PLCB1: variants seen among roughly 807,000 people sequenced by gnomAD.
PLCB1 encodes phospholipase C beta 1, also known as 1-phosphatidylinositol 4,5-bisphosphate phosphodiesterase beta-1.
In PLCB1, 46 loss-of-function variants were observed where a neutral mutation model predicts 161.8. That is an observed-to-expected ratio of 0.28 (90% CI 0.22 to 0.36). PLCB1 has a LOEUF of 0.36. Ranked by LOEUF, PLCB1 falls within the 10% of genes least tolerant of loss-of-function variation. The probability of loss-of-function intolerance (pLI) is 1.00; values close to 1 mark genes in which losing one functional copy is unlikely to be tolerated. For synonymous variants in PLCB1, 517 were observed against 503.7 expected, an observed-to-expected ratio of 1.03 and a Z score of -0.35; for missense variants, 1,016 against 1,472.5, an observed-to-expected ratio of 0.69 and a Z score of 5.07.
chr20:8,465,788 C>T (rs1232729), intron 3 of PLCB1, among the ~76,000 whole-genome samples: 5 of 151,280 alleles, frequency 3.3e-5, no homozygotes, highest in South Asian at 4.2e-4. Context: ...CATCTCACAC[C>T]AGTTAGAATG....
intron 3 of PLCB1, among the ~76,000 whole-genome samples, chr20:8,487,296 C>A (rs374344004): frequency 6.6e-6 from 1 of 152,136 alleles, no homozygotes; most frequent in Non-Finnish European, 1.5e-5. Context: ...CTAGAATTTG[C>A]AAAATAGTGA....
chr20:8,516,866 T>C (rs958811482), intron 3 of PLCB1, among the ~76,000 whole-genome samples: 7 of 151,920 alleles, frequency 4.6e-5, no homozygotes, highest in Admixed American at 4.6e-4. Flanking sequence ...TATGTGCCCT[T>C]TGTTACGGCT....
At chr20:8,510,637 C>T (rs886370014) in intron 3 of PLCB1, among the ~76,000 whole-genome samples, 32 of 152,026 alleles carry the variant, frequency 2.1e-4, no homozygotes, top group African/African-American at 6.8e-4. Flanking sequence ...GTGATCCGCC[C>T]GCCTCGGCCT....
intron 2 of PLCB1, among the ~76,000 whole-genome samples, chr20:8,369,062 T>C (rs1986818024): frequency 6.6e-6 from 1 of 152,184 alleles, no homozygotes; most frequent in Non-Finnish European, 1.5e-5. Context: ...AGTTTCTCAG[T>C]ACTAGTGTAT....
At position 8,737,045 on chromosome 20, in the gene PLCB1, T is replaced by C. The variant is rs1568578732; in HGVS notation, c.2061T>C (p.Phe687=). Residue 687 remains phenylalanine, a synonymous_variant, in exon 20 of 32, where the codon TTT becomes TTC. Coordinates refer to ENST00000338037, the MANE Select transcript of PLCB1 (RefSeq NM_015192.4). ...TTTTCTAGATTATTTCAGGTCAGTT[T>C]CTTTCTGATAAGAAAGTTGGGACTT... is the stretch of plus-strand genomic sequence containing the variant. ...TLSVKIISGQ[F]LSDKKVGTYV... 1 of 1,612,516 alleles carries C rather than the reference T, an allele frequency of 6.2e-7. No individual in the cohort carries two copies. Among genetic ancestry groups the C allele is most frequent in the Non-Finnish European group, 8.5e-7 (1 of 1,178,672 alleles).
chr20:8,355,807 C>G (rs1986346407), intron 2 of PLCB1, among the ~76,000 whole-genome samples: 1 of 152,092 alleles, frequency 6.6e-6, no homozygotes, highest in South Asian at 2.1e-4. Context: ...GCACTTAACC[C>G]TCAGCTTTTT....
chr20:8,773,461 A>T (rs1982793288), intron 26 of PLCB1, among the ~76,000 whole-genome samples: 1 of 152,236 alleles, frequency 6.6e-6, no homozygotes, highest in African/African-American at 2.4e-5. Flanking sequence ...TTATTTTGAC[A>T]TTCACCCTAA....
chr20:8,317,359 G>A (rs571492431), intron 2 of PLCB1, among the ~76,000 whole-genome samples: 2 of 152,128 alleles, frequency 1.3e-5, no homozygotes, highest in East Asian at 1.9e-4. Context: ...TCCCGTTTGG[G>A]TCATTATTTA....
intron 3 of PLCB1, among the ~76,000 whole-genome samples, chr20:8,439,703 AT>A (rs1170666337): frequency 1.3e-5 from 2 of 152,052 alleles, no homozygotes; most frequent in African/African-American, 2.4e-5. Flanking sequence ...TCATTACTAT[AT>A]TTTCTACATT....
intron 11 of PLCB1, 146 bp downstream of exon 11, chr20:8,697,929 G>C: frequency 1.5e-6 from 1 of 653,692 alleles, no homozygotes. Flanking sequence ...CTAAAATTTG[G>C]CTGTTTATTC....
At chr20:8,676,308 G>T (rs531866272) in intron 9 of PLCB1, among the ~76,000 whole-genome samples, 1 of 151,936 alleles carries the variant, frequency 6.6e-6, no homozygotes, top group African/African-American at 2.4e-5. Flanking sequence ...TTGCAGTGAG[G>T]CAAGATAACA....
intron 3 of PLCB1, among the ~76,000 whole-genome samples, chr20:8,522,630 AC>A (rs551010968): frequency 5.2e-4 from 79 of 152,346 alleles, no homozygotes; most frequent in Middle Eastern, 3.4e-3. Flanking sequence ...AATAAAGCAG[AC>A]ACTACCATTT....
At chr20:8,516,143 C>G (rs937550797) in intron 3 of PLCB1, among the ~76,000 whole-genome samples, 1 of 152,156 alleles carries the variant, frequency 6.6e-6, no homozygotes, top group Non-Finnish European at 1.5e-5. Flanking sequence ...GCCCCTCCCA[C>G]AACACGTGGG....
rs140347181 is a variant in PLCB1 at position 8,703,699 on chromosome 20, A to G, written c.1168-4971A>G. ...AATGGAAAAGCAGGGGAAACAACAC[A>G]GGAAGATCTAGGAACCCCAGTGGCC... On this transcript the variant is annotated intron_variant, in intron 11 of 31. Coordinates refer to ENST00000338037, the MANE Select transcript of PLCB1 (RefSeq NM_015192.4). 3.7e-3 allele frequency among the ~76,000 whole-genome samples: 569 copies of G among 152,296 alleles called. 5 individuals are homozygous for G. Among genetic ancestry groups the G allele is most frequent in the Middle Eastern group, 6.8e-3 (2 of 294 alleles).
chr20:8,724,300 A>C (rs1979815575), intron 15 of PLCB1, among the ~76,000 whole-genome samples: 1 of 152,130 alleles, frequency 6.6e-6, no homozygotes, highest in Non-Finnish European at 1.5e-5. Flanking sequence ...AGTGCTTCTC[A>C]AACTTTGATG....
At chr20:8,626,210 G>A (rs1988341099) in intron 3 of PLCB1, among the ~76,000 whole-genome samples, 1 of 150,724 alleles carries the variant, frequency 6.6e-6, no homozygotes, top group East Asian at 1.9e-4. Flanking sequence ...AGATATATGA[G>A]CAACAATTAC....
chr20:8,635,410 TTCATTTAGAG>T (rs1374736217), intron 4 of PLCB1, among the ~76,000 whole-genome samples: 1 of 152,204 alleles, frequency 6.6e-6, no homozygotes, highest in African/African-American at 2.4e-5. Flanking sequence ...CTGCAATCTT[TTCATTTAGAG>T]TTGGGAGAAA....
chr20:8,836,588 A>G (rs550226005), intron 31 of PLCB1, among the ~76,000 whole-genome samples: 12 of 130,486 alleles, frequency 9.2e-5, no homozygotes, highest in African/African-American at 2.3e-4. Flanking sequence ...GATGCTAATA[A>G]CTCTGTTTCC....
At chr20:8,810,522 T>A (rs891490820) in intron 31 of PLCB1, among the ~76,000 whole-genome samples, 2 of 152,174 alleles carry the variant, frequency 1.3e-5, no homozygotes, top group Admixed American at 6.5e-5. Flanking sequence ...CCCCCAAATT[T>A]TAGAATCATG....
Sources: gnomAD v4.1 joint callset for allele counts (sites outside exome capture counted in the v4.1 genomes callset) on GRCh38, gnomAD v4.1.1 for gene constraint, MANE v1.5 for transcripts, NCBI Gene and HGNC (gene_info 2026-07-23, HGNC 2026-07-21) for gene names.